CDH18: variants seen among roughly 807,000 people sequenced by gnomAD.
CDH18 encodes the protein cadherin 18, also known as cadherin-18.
A neutral mutation model predicts 67.9 loss-of-function variants in CDH18; 31 were observed. The ratio of observed to expected loss-of-function variants is 0.46; its 90% CI spans 0.34 to 0.62. The LOEUF is 0.62. Ranked by LOEUF, CDH18 falls within the 20% of genes least tolerant of loss-of-function variation. The probability of loss-of-function intolerance (pLI) is 0.01; values close to 1 mark genes in which losing one functional copy is unlikely to be tolerated. For missense variants in CDH18, 890 were observed against 975.5 expected, an observed-to-expected ratio of 0.91 and a Z score of 1.17; for synonymous variants, 362 against 347.2, an observed-to-expected ratio of 1.04 and a Z score of -0.48.
At chr5:19,865,106 C>A (rs1785341768) in intron 2 of CDH18, among the ~76,000 whole-genome samples, 1 of 152,082 alleles carries the variant, frequency 6.6e-6, no homozygotes, top group African/African-American at 2.4e-5. Flanking sequence ...TAGGGCCCTC[C>A]CAAGTTCCTG....
intron 1 of CDH18, chr5:20,304,276 C>T: frequency 6.2e-7 from 1 of 1,603,084 alleles, no homozygotes; most frequent in African/African-American, 1.3e-5. Flanking sequence ...GCACCAAAAG[C>T]TGTGTCTTCT....
chr5:20,455,984 G>T (rs960012295), intron 1 of CDH18, among the ~76,000 whole-genome samples: 1 of 152,060 alleles, frequency 6.6e-6, no homozygotes, highest in East Asian at 1.9e-4. Context: ...TTGATAAATT[G>T]CTTTTGAATT....
intron 2 of CDH18, among the ~76,000 whole-genome samples, chr5:19,938,352 T>C (rs990206016): frequency 1.3e-5 from 2 of 150,764 alleles, no homozygotes; most frequent in Non-Finnish European, 3.0e-5. Flanking sequence ...AGTTTATTTA[T>C]TTTAATTTTT....
intron 9 of CDH18, among the ~76,000 whole-genome samples, chr5:19,530,905 G>T (rs1266472524): frequency 2.6e-5 from 4 of 151,862 alleles, no homozygotes; most frequent in African/African-American, 9.7e-5. Flanking sequence ...TGCGCTTCTC[G>T]AGTGAGGCAA....
At chr5:20,417,656 T>C (rs1328085214) in intron 1 of CDH18, among the ~76,000 whole-genome samples, 1 of 152,150 alleles carries the variant, frequency 6.6e-6, no homozygotes, top group African/African-American at 2.4e-5. Flanking sequence ...GCTGAAAAAA[T>C]TGAAGACAGT....
intron 2 of CDH18, among the ~76,000 whole-genome samples, chr5:20,204,520 A>C (rs1156792185): frequency 6.6e-6 from 1 of 152,056 alleles, no homozygotes; most frequent in Non-Finnish European, 1.5e-5. Context: ...TAAAAGAAAA[A>C]TACACTAATG....
chr5:19,714,862 C>CAA (rs1765155985), intron 5 of CDH18, among the ~76,000 whole-genome samples: 1 of 151,852 alleles, frequency 6.6e-6, no homozygotes, highest in African/African-American at 2.4e-5. Context: ...GGACATACTG[C>CAA]AAAATTGTTT....
At chr5:19,668,081 G>A (rs1758213347) in intron 5 of CDH18, among the ~76,000 whole-genome samples, 1 of 152,020 alleles carries the variant, frequency 6.6e-6, no homozygotes, top group Admixed American at 6.6e-5. Flanking sequence ...GTGGGATAAT[G>A]ACAAAGCCTT....
At chr5:19,903,416 ACT>A (rs1176698417) in intron 2 of CDH18, among the ~76,000 whole-genome samples, 1 of 151,224 alleles carries the variant, frequency 6.6e-6, no homozygotes, top group Non-Finnish European at 1.5e-5. Flanking sequence ...GGAAGAGAGT[ACT>A]CTGTTACCTC....
intron 4 of CDH18, among the ~76,000 whole-genome samples, chr5:19,729,912 C>T (rs1704996886): frequency 6.6e-6 from 1 of 152,074 alleles, no homozygotes; most frequent in African/African-American, 2.4e-5. Context: ...CTTTCCTTAT[C>T]AACAGAATAA....
chr5:20,215,526 G>C (rs1740699464), intron 2 of CDH18, among the ~76,000 whole-genome samples: 1 of 151,972 alleles, frequency 6.6e-6, no homozygotes, highest in Non-Finnish European at 1.5e-5. Flanking sequence ...CACAGTGTTA[G>C]TGGGAGTGTA....
At chr5:20,478,379 G>A (rs1209619714) in intron 1 of CDH18, among the ~76,000 whole-genome samples, 1 of 152,184 alleles carries the variant, frequency 6.6e-6, no homozygotes, top group Admixed American at 6.5e-5. Flanking sequence ...CTGCTGCCCT[G>A]AAGGCAGAGA....
chr5:20,511,205 G>C (rs570345881), intron 1 of CDH18, among the ~76,000 whole-genome samples: 49 of 152,078 alleles, frequency 3.2e-4, no homozygotes, highest in Non-Finnish European at 5.7e-4. Context: ...TACACCAGAA[G>C]AAAAAGCTTT....
At chr5:20,094,127 G>A (rs1207565222) in intron 2 of CDH18, among the ~76,000 whole-genome samples, 4 of 152,222 alleles carry the variant, frequency 2.6e-5, no homozygotes, top group Middle Eastern at 3.4e-3. Context: ...CACAAAATGA[G>A]ATTTAAATTA....
chr5:20,567,097 G>A (rs561439029), intron 1 of CDH18, among the ~76,000 whole-genome samples: 1 of 152,210 alleles, frequency 6.6e-6, no homozygotes, highest in South Asian at 2.1e-4. Flanking sequence ...ATTGAGTCAG[G>A]AAAACAGAAA....
At chr5:19,966,671 T>C (rs1055015216) in intron 2 of CDH18, among the ~76,000 whole-genome samples, 1 of 152,038 alleles carries the variant, frequency 6.6e-6, no homozygotes, top group South Asian at 2.1e-4. Flanking sequence ...CAAAGCCTGT[T>C]TTTTTTCTGG....
intron 4 of CDH18, among the ~76,000 whole-genome samples, chr5:19,741,947 G>A (rs941303935): frequency 6.6e-6 from 1 of 152,140 alleles, no homozygotes; most frequent in Non-Finnish European, 1.5e-5. Context: ...CCAGTCCAAA[G>A]TGTTAATAGT....
At chr5:20,529,524 C>G (rs528476624) in intron 1 of CDH18, among the ~76,000 whole-genome samples, 1 of 152,044 alleles carries the variant, frequency 6.6e-6, no homozygotes, top group East Asian at 1.9e-4. Flanking sequence ...AGCAGCACGT[C>G]TAAAAGCTTA....
intron 2 of CDH18, among the ~76,000 whole-genome samples, chr5:19,909,033 A>T (rs1480028381): frequency 6.6e-6 from 1 of 152,150 alleles, no homozygotes; most frequent in Non-Finnish European, 1.5e-5. Flanking sequence ...CTGGGAGCAC[A>T]TCTCCTATCC....
Sources: gnomAD v4.1 joint callset for allele counts (sites outside exome capture counted in the v4.1 genomes callset) on GRCh38, gnomAD v4.1.1 for gene constraint, MANE v1.5 for transcripts, NCBI Gene and HGNC (gene_info 2026-07-23, HGNC 2026-07-21) for gene names.